The following INPP4B variants were observed in gnomAD, a reference collection of about 807,000 sequenced individuals.
INPP4B encodes inositol polyphosphate 4-phosphatase type II.
In INPP4B, 55 loss-of-function variants were observed where a neutral mutation model predicts 122.5. The ratio of observed to expected loss-of-function variants is 0.45; its 90% CI spans 0.36 to 0.56. The LOEUF (loss-of-function observed/expected upper bound fraction) is 0.56. INPP4B is among the 20% of genes least tolerant of loss of function. The pLI is 0.00. For missense variants in INPP4B, 1,000 were observed against 1,097.7 expected, an observed-to-expected ratio of 0.91 and a Z score of 1.26; for synonymous variants, 403 against 388.7, an observed-to-expected ratio of 1.04 and a Z score of -0.43.
intron 2 of INPP4B, among the ~76,000 whole-genome samples, chr4:142,483,328 G>C (rs12512612): frequency 6.6e-6 from 1 of 151,302 alleles, no homozygotes; most frequent in South Asian, 2.1e-4. Flanking sequence ...ATTCTGTTCA[G>C]ACATTGTGCT....
chr4:142,031,029 A>G (rs1186571359), intron 25 of INPP4B, among the ~76,000 whole-genome samples: 1 of 152,148 alleles, frequency 6.6e-6, no homozygotes, highest in Non-Finnish European at 1.5e-5. Context: ...CAGAAAATAA[A>G]AGACTTCATT....
chr4:142,294,269 A>C (rs1383281374), intron 9 of INPP4B, among the ~76,000 whole-genome samples: 2 of 152,310 alleles, frequency 1.3e-5, no homozygotes, highest in East Asian at 3.9e-4. Flanking sequence ...CCTTCTAATG[A>C]TCATTAAGCA....
intron 2 of INPP4B, among the ~76,000 whole-genome samples, chr4:142,482,382 G>T (rs1489255536): frequency 3.4e-4 from 51 of 152,132 alleles, no homozygotes; most frequent in Non-Finnish European, 2.4e-4. Flanking sequence ...AAAGCATCAA[G>T]TATATCATAT....
Position 142,238,136 on chromosome 4 carries a change from T to A in INPP4B, c.689-125A>T. ...TTCATTTGATCCAAAATGTCTTTTT[T>A]TAAATCAAAATCCATTAGTGTATCT... On this transcript the variant is annotated intron_variant, in intron 11 of 25. Coordinates refer to ENST00000262992, the MANE Select transcript of INPP4B (RefSeq NM_001101669.3). 1.0e-5 allele frequency: 5 copies of A among 489,450 alleles called. No homozygotes were observed. The East Asian group carries it at 1.6e-4, about 15-fold the overall frequency. 30.3% of individuals were successfully genotyped at this position (489,450 alleles called of 1,614,324 possible).
At chr4:142,391,777 A>T (rs2148999208) in intron 7 of INPP4B, among the ~76,000 whole-genome samples, 1 of 152,318 alleles carries the variant, frequency 6.6e-6, no homozygotes, top group African/African-American at 2.4e-5. Flanking sequence ...TAAATAGTTT[A>T]TAACCAATGT....
chr4:142,188,310 A>G (rs1047719331), intron 15 of INPP4B, among the ~76,000 whole-genome samples: 4 of 151,356 alleles, frequency 2.6e-5, no homozygotes, highest in Admixed American at 2.0e-4. Flanking sequence ...ACACGGTGAA[A>G]CCCTGGCTCT....
intron 1 of INPP4B, among the ~76,000 whole-genome samples, chr4:142,739,732 C>T (rs185995868): frequency 8.8e-4 from 134 of 151,950 alleles, no homozygotes; most frequent in African/African-American, 2.6e-3. Flanking sequence ...CTCATTAGGT[C>T]ATTGGATTAA....
intron 25 of INPP4B, among the ~76,000 whole-genome samples, chr4:142,039,799 GTTTGCATAAAAGAATGCTAATA>G (rs1443676095): frequency 6.6e-6 from 1 of 151,902 alleles, no homozygotes; most frequent in Admixed American, 6.6e-5. Context: ...GGTTAGTTTT[GTTTGCATAAAAGAATGCTAATA>G]TGTGATATGA....
chr4:142,199,728 G>C (rs758738751), intron 14 of INPP4B, among the ~76,000 whole-genome samples: 1 of 151,888 alleles, frequency 6.6e-6, no homozygotes, highest in Non-Finnish European at 1.5e-5. Context: ...CCTCAGCTTG[G>C]GTTTCTCTTA....
intron 7 of INPP4B, among the ~76,000 whole-genome samples, chr4:142,342,561 A>C (rs66459818): frequency 0.12 from 17,797 of 152,172 alleles, 1,099 homozygotes; most frequent in East Asian, 0.18. Flanking sequence ...TTTCAGGTAA[A>C]GAATCTTAGC....
At chr4:142,607,855 C>T (rs1741607833) in intron 2 of INPP4B, among the ~76,000 whole-genome samples, 2 of 152,104 alleles carry the variant, frequency 1.3e-5, no homozygotes, top group Non-Finnish European at 2.9e-5. Flanking sequence ...GACCTTTCCA[C>T]TATTACCCTT....
chr4:142,052,540 T>C (rs1268311231), intron 25 of INPP4B, among the ~76,000 whole-genome samples: 4 of 152,072 alleles, frequency 2.6e-5, no homozygotes, highest in African/African-American at 7.2e-5. Context: ...AGACAAGACA[T>C]GTACAAATAA....
chr4:142,346,335 C>T (rs1195923485), intron 7 of INPP4B, among the ~76,000 whole-genome samples: 1 of 151,968 alleles, frequency 6.6e-6, no homozygotes, highest in African/African-American at 2.4e-5. Flanking sequence ...TTGACTCTTG[C>T]TGTCTATCAC....
intron 5 of INPP4B, among the ~76,000 whole-genome samples, chr4:142,413,779 T>C (rs536881600): frequency 2.0e-5 from 3 of 152,282 alleles, no homozygotes; most frequent in Non-Finnish European, 4.4e-5. Context: ...ATAAATACTA[T>C]CTTTTTATTT....
intron 2 of INPP4B, among the ~76,000 whole-genome samples, chr4:142,558,748 T>C (rs1729767636): frequency 8.1e-6 from 1 of 122,900 alleles, no homozygotes; most frequent in Admixed American, 1.0e-4. Context: ...TGAGCAGAGA[T>C]CACGCCATTG....
chr4:142,496,358 G>A (rs12505630), intron 2 of INPP4B, among the ~76,000 whole-genome samples: 1 of 151,994 alleles, frequency 6.6e-6, no homozygotes, highest in African/African-American at 2.4e-5. Context: ...GTGGCTATGA[G>A]GAATAGTGCT....
At chr4:142,702,963 C>A (rs1762010551) in intron 2 of INPP4B, among the ~76,000 whole-genome samples, 1 of 152,132 alleles carries the variant, frequency 6.6e-6, no homozygotes, top group South Asian at 2.1e-4. Flanking sequence ...AGAGCACTTG[C>A]TCTGGAATTA....
At chr4:142,832,033 C>A (rs1782205464) in intron 1 of INPP4B, among the ~76,000 whole-genome samples, 1 of 152,114 alleles carries the variant, frequency 6.6e-6, no homozygotes, top group South Asian at 2.1e-4. Context: ...TCTAAGACAG[C>A]AGGAGGGAAA....
At chr4:142,739,766 C>T (rs553364636) in intron 1 of INPP4B, among the ~76,000 whole-genome samples, 19 of 152,054 alleles carry the variant, frequency 1.2e-4, no homozygotes, top group Admixed American at 5.9e-4. Context: ...AAAAATAATA[C>T]GTTATTTTAA....
Sources: allele counts gnomAD v4.1 joint callset (sites outside exome capture counted in the v4.1 genomes callset), GRCh38; gene constraint gnomAD v4.1.1; transcripts MANE v1.5; gene names NCBI Gene and HGNC (gene_info 2026-07-23, HGNC 2026-07-21).